SCHIP1: variants seen among roughly 807,000 people sequenced by gnomAD.
SCHIP1 encodes schwannomin-interacting protein 1.
In SCHIP1, 8 loss-of-function variants were observed where a neutral mutation model predicts 29.7. The observed-to-expected ratio is 0.27, with a 90% CI of 0.16 to 0.49. SCHIP1 has a LOEUF of 0.49. Ranked by LOEUF, SCHIP1 falls within the 20% of genes least tolerant of loss-of-function variation. The pLI, the probability that SCHIP1 is intolerant of heterozygous loss-of-function variation, is 0.99. For missense variants in SCHIP1, 193 were observed against 294.6 expected (o/e 0.66, Z 2.52); for synonymous variants, 76 against 94.9 (o/e 0.80, Z 1.16).
upstream of SCHIP1, among the ~76,000 whole-genome samples, chr3:159,839,628 C>CTTTTTTTT (rs3068349): frequency 3.5e-4 from 25 of 71,714 alleles, no homozygotes; most frequent in African/African-American, 5.5e-4. Context: ...AGGTCTTTTT[C>CTTTTTTTT]TTTTTTTTTT....
At chr3:159,530,269 C>T in the SCHIP1 span, among the ~76,000 whole-genome samples, 2 of 152,214 alleles carry the variant, frequency 1.3e-5, no homozygotes, top group South Asian at 4.2e-4. Context: ...GAAGTTGCTC[C>T]CAGTCATCTG....
the SCHIP1 span, among the ~76,000 whole-genome samples, chr3:159,573,170 A>C: frequency 6.6e-6 from 1 of 152,106 alleles, no homozygotes; most frequent in Non-Finnish European, 1.5e-5. Flanking sequence ...TTAGCTGATT[A>C]TTTTGCTCAT....
At chr3:159,784,955 A>G in the SCHIP1 span, among the ~76,000 whole-genome samples, 61 of 152,314 alleles carry the variant, frequency 4.0e-4, no homozygotes, top group African/African-American at 1.4e-3. Flanking sequence ...GCCTGGCCCA[A>G]GTAAATGGTT....
the SCHIP1 span, among the ~76,000 whole-genome samples, chr3:159,704,708 C>G: frequency 1.3e-5 from 2 of 151,970 alleles, no homozygotes; most frequent in Non-Finnish European, 2.9e-5. Context: ...ACCAAGAAAA[C>G]CTCCATTCAA....
chr3:159,401,171 A>G, the SCHIP1 span: 4 of 977,990 alleles, frequency 4.1e-6, no homozygotes, highest in Non-Finnish European at 4.9e-6. Flanking sequence ...TCCTATCTCC[A>G]TACCCAATAA....
the SCHIP1 span, among the ~76,000 whole-genome samples, chr3:159,715,482 G>A: frequency 2.0e-5 from 3 of 152,126 alleles, no homozygotes; most frequent in African/African-American, 4.8e-5. Context: ...TGAACCCATC[G>A]CAAAGAAGCT....
chr3:159,609,466 T>C, the SCHIP1 span, among the ~76,000 whole-genome samples: 1 of 152,228 alleles, frequency 6.6e-6, no homozygotes, highest in Non-Finnish European at 1.5e-5. Context: ...TTTTCTTTAA[T>C]GAAGTAACTC....
At chr3:159,493,557 C>T in the SCHIP1 span, among the ~76,000 whole-genome samples, 1 of 151,724 alleles carries the variant, frequency 6.6e-6, no homozygotes, top group Non-Finnish European at 1.5e-5. Context: ...GCTAACTATC[C>T]TAAATATATA....
chr3:159,725,586 A>G, the SCHIP1 span, among the ~76,000 whole-genome samples: 1 of 152,134 alleles, frequency 6.6e-6, no homozygotes, highest in Non-Finnish European at 1.5e-5. Context: ...TTAACTGCCT[A>G]GGATTGGAAA....
At chr3:159,600,587 AT>A in the SCHIP1 span, among the ~76,000 whole-genome samples, 1 of 152,188 alleles carries the variant, frequency 6.6e-6, no homozygotes, top group East Asian at 1.9e-4. Flanking sequence ...CATATCCCCA[AT>A]TTTTTGTATT....
chr3:159,709,833 T>A, the SCHIP1 span, among the ~76,000 whole-genome samples: 1 of 152,210 alleles, frequency 6.6e-6, no homozygotes, highest in African/African-American at 2.4e-5. Flanking sequence ...TATTAAAATA[T>A]TCATTCTCCA....
chr3:159,770,059 A>G, the SCHIP1 span, among the ~76,000 whole-genome samples: 1 of 152,130 alleles, frequency 6.6e-6, no homozygotes, highest in East Asian at 1.9e-4. Flanking sequence ...GTATGTGTGG[A>G]TTTTTGTGTG....
the SCHIP1 span, among the ~76,000 whole-genome samples, chr3:159,317,119 A>G: frequency 6.6e-6 from 1 of 152,224 alleles, no homozygotes; most frequent in Non-Finnish European, 1.5e-5. Context: ...ATCACAGAGC[A>G]TGGTAATACT....
At chr3:159,454,806 G>T in the SCHIP1 span, among the ~76,000 whole-genome samples, 2 of 152,162 alleles carry the variant, frequency 1.3e-5, no homozygotes, top group Non-Finnish European at 2.9e-5. Flanking sequence ...GCAATCTGAA[G>T]GTAGGCTTAA....
the SCHIP1 span, among the ~76,000 whole-genome samples, chr3:159,680,662 A>ATGT: frequency 1.3e-4 from 5 of 39,414 alleles, no homozygotes; most frequent in African/African-American, 5.3e-4. Context: ...GTATATATAA[A>ATGT]ATATATATTA....
At chr3:159,273,553 G>A in the SCHIP1 span, 1 of 1,229,468 alleles carries the variant, frequency 8.1e-7, no homozygotes, top group Middle Eastern at 3.3e-4. Flanking sequence ...AAGAACACTG[G>A]CAAAAATCAG....
chr3:159,425,823 A>G, the SCHIP1 span, among the ~76,000 whole-genome samples: 1 of 152,202 alleles, frequency 6.6e-6, no homozygotes, highest in East Asian at 1.9e-4. Context: ...GTAAAAGAAC[A>G]GAAATTATAA....
the SCHIP1 span, among the ~76,000 whole-genome samples, chr3:159,646,835 A>C: frequency 1.3e-5 from 2 of 152,122 alleles, no homozygotes; most frequent in Non-Finnish European, 2.9e-5. Context: ...CTTCTGAAAA[A>C]GAGCTGAAAA....
chr3:159,310,724 C>T, the SCHIP1 span, among the ~76,000 whole-genome samples: 5 of 152,078 alleles, frequency 3.3e-5, no homozygotes, highest in Non-Finnish European at 5.9e-5. Context: ...TGGTAGAGCA[C>T]GTTTCAAATA....
Sources: gnomAD v4.1 joint callset for allele counts (sites outside exome capture counted in the v4.1 genomes callset) on GRCh38, gnomAD v4.1.1 for gene constraint, MANE v1.5 for transcripts, NCBI Gene and HGNC (gene_info 2026-07-23, HGNC 2026-07-21) for gene names.